The following PARD3B variants were observed in gnomAD, a reference collection of about 807,000 sequenced individuals.
PARD3B encodes par-3 family cell polarity regulator beta, also known as partitioning defective 3 homolog B.
Under a neutral mutation model 130.2 loss-of-function variants are expected in PARD3B, and 103 were observed. The observed-to-expected ratio is 0.79, with a 90% CI of 0.67 to 0.93. The LOEUF (loss-of-function observed/expected upper bound fraction) is 0.93. Ranked by LOEUF, PARD3B falls within the 40% of genes least tolerant of loss-of-function variation. PARD3B has a pLI of 0.00. For synonymous variants in PARD3B, 583 were observed against 553.2 expected (o/e 1.05, Z -0.76); for missense variants, 1,609 against 1,499.2 (o/e 1.07, Z -1.21).
intron 4 of PARD3B, among the ~76,000 whole-genome samples, chr2:205,103,476 A>G (rs969138669): frequency 3.3e-5 from 5 of 152,010 alleles, no homozygotes; most frequent in Non-Finnish European, 7.4e-5. Flanking sequence ...ACTTATGTCC[A>G]GCCTCTTAAG....
At chr2:205,127,860 G>T (rs967740922) in intron 10 of PARD3B, among the ~76,000 whole-genome samples, 1 of 152,178 alleles carries the variant, frequency 6.6e-6, no homozygotes, top group African/African-American at 2.4e-5. Flanking sequence ...ACTTTCTAGA[G>T]AAATGATGCA....
At chr2:204,611,531 A>G (rs778169840) in intron 1 of PARD3B, among the ~76,000 whole-genome samples, 1 of 152,202 alleles carries the variant, frequency 6.6e-6, no homozygotes, top group Non-Finnish European at 1.5e-5. Flanking sequence ...TAAAACTAAT[A>G]TAAAAAGTCT....
At chr2:204,587,782 T>C (rs1318713921) in intron 1 of PARD3B, among the ~76,000 whole-genome samples, 1 of 152,158 alleles carries the variant, frequency 6.6e-6, no homozygotes, top group Non-Finnish European at 1.5e-5. Flanking sequence ...TCCCCACATG[T>C]CATGGGAGGG....
chr2:205,202,816 A>C (rs934601616), intron 15 of PARD3B, among the ~76,000 whole-genome samples: 3 of 152,210 alleles, frequency 2.0e-5, no homozygotes, highest in African/African-American at 7.2e-5. Flanking sequence ...TGGTAGTATA[A>C]TTAGAAATGA....
chr2:205,004,709 G>A (rs561543703), intron 3 of PARD3B, among the ~76,000 whole-genome samples: 2 of 152,144 alleles, frequency 1.3e-5, no homozygotes, highest in Non-Finnish European at 2.9e-5. Context: ...AATAAATATT[G>A]CATTTCTCTT....
intron 4 of PARD3B, among the ~76,000 whole-genome samples, chr2:205,050,343 T>C (rs1485535978): frequency 1.3e-5 from 2 of 152,004 alleles, no homozygotes; most frequent in Admixed American, 6.6e-5. Flanking sequence ...TTCCCTATTA[T>C]GCAAACATTA....
At chr2:205,126,643 G>A (rs978373085) in intron 10 of PARD3B, among the ~76,000 whole-genome samples, 1 of 150,774 alleles carries the variant, frequency 6.6e-6, no homozygotes, top group African/African-American at 2.4e-5. Flanking sequence ...CTACTCGGGA[G>A]GCTGAGGCAG....
chr2:205,223,126 C>T (rs150702774), intron 15 of PARD3B, among the ~76,000 whole-genome samples: 14 of 152,038 alleles, frequency 9.2e-5, no homozygotes, highest in African/African-American at 3.4e-4. Flanking sequence ...GTGAGATCAG[C>T]GGCATTTTCA....
intron 2 of PARD3B, among the ~76,000 whole-genome samples, chr2:204,831,445 T>G (rs1464570084): frequency 6.6e-6 from 1 of 152,250 alleles, no homozygotes; most frequent in Non-Finnish European, 1.5e-5. Context: ...AGACATTTCA[T>G]TGTTTTAATA....
chr2:205,389,604 A>G (rs2105973135), intron 18 of PARD3B, among the ~76,000 whole-genome samples: 1 of 152,330 alleles, frequency 6.6e-6, no homozygotes, highest in East Asian at 1.9e-4. Flanking sequence ...TCGGCCTCCC[A>G]AAGTGCTGGG....
At position 205,325,123 on chromosome 2, in the gene PARD3B, C is replaced by G. The variant is rs561700697; in HGVS notation, c.2630+23422C>G. Among the ~76,000 whole-genome samples the G allele has an allele frequency of 6.6e-6, 1 of 152,286 alleles. No individual in the cohort carries two copies. The highest frequency in any genetic ancestry group is 2.1e-4 in the South Asian group (1 of 4,826). ...TGACCTTCTGAATAGTCTTGATATT[C>G]TCTCCCAGCCCACTTACTACAGTAC... On this transcript the variant is annotated intron_variant, in intron 18 of 22. Coordinates refer to ENST00000406610, the MANE Select transcript of PARD3B (RefSeq NM_001302769.2). This position sits in a 1 kb window ranked among gnomAD's most constrained non-coding sequence, Gnocchi z 4.1.
At chr2:204,877,382 A>C (rs1464425251) in intron 2 of PARD3B, among the ~76,000 whole-genome samples, 3 of 152,122 alleles carry the variant, frequency 2.0e-5, no homozygotes. Context: ...TATACCCTAG[A>C]ACTTAAAGTA....
chr2:204,922,733 T>C (rs1438963764), intron 2 of PARD3B, among the ~76,000 whole-genome samples: 7 of 152,044 alleles, frequency 4.6e-5, no homozygotes, highest in Non-Finnish European at 1.0e-4. Flanking sequence ...GGAGTTGAGA[T>C]ATCACCCCCA....
At chr2:204,607,309 T>C (rs985099677) in intron 1 of PARD3B, among the ~76,000 whole-genome samples, 2 of 152,216 alleles carry the variant, frequency 1.3e-5, no homozygotes, top group Admixed American at 6.5e-5. Flanking sequence ...GTAATCCTTA[T>C]GAAGGATCAG....
At position 205,584,451 on chromosome 2, in the gene PARD3B, G is replaced by T. The variant is rs1158362687; in HGVS notation, c.3261-31005G>T. On this transcript the variant is annotated intron_variant, in intron 22 of 22. Transcript: ENST00000406610. The surrounding 1 kb of genome is among the most constrained non-coding windows in gnomAD (Gnocchi z 5.5). ...CCAGCACTTTAGGAGGCCGAGGCAG[G>T]CCGATCACCTGACGTCAGGAGTTCG... Among the ~76,000 whole-genome samples, 1 of 152,100 alleles carries T rather than the reference G, an allele frequency of 6.6e-6. No individual in the cohort carries two copies. The highest frequency in any genetic ancestry group is 1.9e-4 in the East Asian group (1 of 5,180).
chr2:204,762,865 AT>A (rs1195700395), intron 2 of PARD3B, among the ~76,000 whole-genome samples: 3 of 150,210 alleles, frequency 2.0e-5, no homozygotes, highest in African/African-American at 7.4e-5. Flanking sequence ...GGTTCAAACG[AT>A]TCTCCTGCCT....
chr2:205,053,200 GC>G (rs1221910460), intron 4 of PARD3B, among the ~76,000 whole-genome samples: 4 of 151,726 alleles, frequency 2.6e-5, no homozygotes, highest in African/African-American at 9.7e-5. Flanking sequence ...TGTCAGTATT[GC>G]CCCTGTATTA....
chr2:204,932,185 C>A (rs1304606730), intron 2 of PARD3B, among the ~76,000 whole-genome samples: 1 of 152,008 alleles, frequency 6.6e-6, no homozygotes, highest in Non-Finnish European at 1.5e-5. Context: ...AAAAATTGTT[C>A]ATTTAAGCAG....
At chr2:205,504,086 C>G (rs187866008) in intron 21 of PARD3B, among the ~76,000 whole-genome samples, 9 of 152,116 alleles carry the variant, frequency 5.9e-5, no homozygotes, top group African/African-American at 2.2e-4. Flanking sequence ...TGAAACGATG[C>G]CACATATCTA....
Sources: gnomAD v4.1 joint callset for allele counts (sites outside exome capture counted in the v4.1 genomes callset) on GRCh38, gnomAD v4.1.1 for gene constraint, Gnocchi (gnomAD v3.1) non-coding constraint, MANE v1.5 for transcripts, NCBI Gene and HGNC (gene_info 2026-07-23, HGNC 2026-07-21) for gene names.